Variants in TACR3 observed in about 807,000 individuals in gnomAD.
The protein encoded by TACR3 is neuromedin-K receptor.
A neutral mutation model predicts 35.0 loss-of-function variants in TACR3; 34 were observed. The ratio of observed to expected loss-of-function variants is 0.97; its 90% CI spans 0.74 to 1.30. The LOEUF is 1.30. TACR3 is among the 50% of genes most tolerant of loss of function. TACR3 has a pLI of 0.00. For synonymous variants in TACR3, 233 were observed against 221.1 expected (o/e 1.05, Z -0.48); for missense variants, 558 against 591.7 (o/e 0.94, Z 0.59).
chr4:103,674,644 C>G (rs1377204306), intron 1 of TACR3, among the ~76,000 whole-genome samples: 1 of 152,112 alleles, frequency 6.6e-6, no homozygotes. Context: ...CTCTGCCTCC[C>G]GAGTTCATGC....
chr4:103,601,270 C>T (rs995685269), intron 3 of TACR3, among the ~76,000 whole-genome samples: 1 of 151,884 alleles, frequency 6.6e-6, no homozygotes, highest in Non-Finnish European at 1.5e-5. Context: ...TTATTTTGAG[C>T]CTATGTGTGT....
chr4:103,625,818 GAC>G (rs1170368948), intron 3 of TACR3, among the ~76,000 whole-genome samples: 1 of 143,988 alleles, frequency 6.9e-6, no homozygotes, highest in Admixed American at 6.7e-5. Flanking sequence ...CTTACACTGT[GAC>G]AGAATTTGAA....
At chr4:103,603,261 T>G (rs954984445) in intron 3 of TACR3, among the ~76,000 whole-genome samples, 1 of 152,194 alleles carries the variant, frequency 6.6e-6, no homozygotes, top group Admixed American at 6.5e-5. Flanking sequence ...AATATTAGGG[T>G]GGGAGTGACC....
chr4:103,593,662 C>T (rs1374671930), intron 3 of TACR3, among the ~76,000 whole-genome samples: 2 of 152,114 alleles, frequency 1.3e-5, no homozygotes. Flanking sequence ...TGGCTCCTCC[C>T]TCTACCTAGA....
Position 103,719,370 on chromosome 4 carries a change from T to C in TACR3, c.306A>G (p.Gly102=), listed in dbSNP as rs748567086. The C allele has an allele frequency of 2.5e-6, 4 of 1,614,060 alleles. No homozygotes were observed. In the South Asian group the frequency reaches 3.3e-5, roughly 13 times the overall value. ...YGVVVAVAVL[G]NLIVIWIILA... is the part of the protein sequence containing the mutation. ...GGATGATCCAGATGACGATGAGATT[T>C]CCCAAAACTGCCACTGCCACCACCA... The change falls in exon 1 of 5, where the codon GGA becomes GGG. Residue 102 remains glycine, a synonymous_variant. Coordinates refer to ENST00000304883, the MANE Select transcript of TACR3 (RefSeq NM_001059.3).
chr4:103,626,213 C>G (rs1282679206), intron 3 of TACR3, among the ~76,000 whole-genome samples: 1 of 152,112 alleles, frequency 6.6e-6, no homozygotes, highest in African/African-American at 2.4e-5. Context: ...GTTATTCAAC[C>G]TAGGTAGATC....
rs969846845 is a variant in TACR3, at chr4:103,610,939, G to A, written c.889-19256C>T. Among the ~76,000 whole-genome samples the A allele has an allele frequency of 2.0e-5, 3 of 152,158 alleles. No individual in the cohort carries two copies. The East Asian group carries it at 5.8e-4, about 29-fold the overall frequency. ...GTTAAAAATCAGTCGGGTGTAAAGTGTGGATTTATTTCTGGGTTCTCTAAT... is the reference window on the plus strand; with the variant it reads ...GTTAAAAATCAGTCGGGTGTAAAGTATGGATTTATTTCTGGGTTCTCTAAT... On this transcript the variant is annotated intron_variant, in intron 3 of 4. Transcript: ENST00000304883.
chr4:103,633,867 C>T (rs1385197377), intron 3 of TACR3, among the ~76,000 whole-genome samples: 3 of 152,022 alleles, frequency 2.0e-5, no homozygotes, highest in African/African-American at 7.3e-5. Flanking sequence ...ATATTCCTAA[C>T]TTTAGTTAGT....
At chr4:103,622,469 C>T (rs111730850) in intron 3 of TACR3, among the ~76,000 whole-genome samples, 5 of 152,262 alleles carry the variant, frequency 3.3e-5, no homozygotes, top group African/African-American at 7.2e-5. Context: ...CGGTGGCTCA[C>T]GCCTGCAATC....
At chr4:103,638,087 T>G (rs1039131406) in intron 3 of TACR3, among the ~76,000 whole-genome samples, 2 of 152,128 alleles carry the variant, frequency 1.3e-5, no homozygotes, top group Non-Finnish European at 1.5e-5. Flanking sequence ...TGGAAAAAAC[T>G]ACTTTAAAGT....
chr4:103,637,880 A>T (rs1403331179), intron 3 of TACR3, among the ~76,000 whole-genome samples: 2 of 152,190 alleles, frequency 1.3e-5, no homozygotes, highest in Non-Finnish European at 2.9e-5. Flanking sequence ...CCAACTTACC[A>T]GGGATGTGAA....
At chr4:103,704,898 G>A (rs76065442) in intron 1 of TACR3, among the ~76,000 whole-genome samples, 17,759 of 152,112 alleles carry the variant, frequency 0.12, 1,355 homozygotes, top group East Asian at 0.37. Context: ...TCATGTTAAC[G>A]TTACCATATT....
At chr4:103,688,730 A>G (rs1255685609) in intron 1 of TACR3, among the ~76,000 whole-genome samples, 1 of 151,220 alleles carries the variant, frequency 6.6e-6, no homozygotes, top group African/African-American at 2.5e-5. Flanking sequence ...AATGGCGATC[A>G]TTAAAAAGTC....
chr4:103,638,056 C>A (rs973305340), intron 3 of TACR3, among the ~76,000 whole-genome samples: 1 of 152,110 alleles, frequency 6.6e-6, no homozygotes, highest in Non-Finnish European at 1.5e-5. Context: ...ATGAAGCTAC[C>A]AATGACTTTC....
chr4:103,612,628 C>A (rs966429416), intron 3 of TACR3, among the ~76,000 whole-genome samples: 9 of 152,064 alleles, frequency 5.9e-5, no homozygotes, highest in Non-Finnish European at 8.8e-5. Context: ...TGTGCCTTAG[C>A]CTTCTGAGTA....
chr4:103,641,234 G>T (rs1725349656), intron 3 of TACR3, among the ~76,000 whole-genome samples: 2 of 151,626 alleles, frequency 1.3e-5, no homozygotes, highest in African/African-American at 4.8e-5. Context: ...TCATTTCTGG[G>T]CTCACTGTTC....
At chr4:103,627,331 A>G (rs553779711) in intron 3 of TACR3, among the ~76,000 whole-genome samples, 52 of 143,984 alleles carry the variant, frequency 3.6e-4, no homozygotes, top group Middle Eastern at 7.1e-3. Context: ...TCTGGCCAAC[A>G]TGGTGAAACT....
chr4:103,688,424 T>C (rs536208075), intron 1 of TACR3, among the ~76,000 whole-genome samples: 1 of 151,596 alleles, frequency 6.6e-6, no homozygotes, highest in East Asian at 1.9e-4. Flanking sequence ...AAAGAGCTTC[T>C]GCACAGCAAA....
intron 3 of TACR3, among the ~76,000 whole-genome samples, chr4:103,651,353 C>G (rs771920644): frequency 6.6e-6 from 1 of 151,662 alleles, no homozygotes; most frequent in Non-Finnish European, 1.5e-5. Context: ...GCAGAGGACA[C>G]TTCCTGTGGC....
Sources: allele counts gnomAD v4.1 joint callset (sites outside exome capture counted in the v4.1 genomes callset), GRCh38; gene constraint gnomAD v4.1.1; transcripts MANE v1.5; gene names NCBI Gene and HGNC (gene_info 2026-07-23, HGNC 2026-07-21).